Variants in PLD5 observed in about 807,000 individuals in gnomAD.
PLD5 encodes the protein phospholipase D family member 5.
Under a neutral mutation model 61.1 loss-of-function variants are expected in PLD5, and 36 were observed. The ratio of observed to expected loss-of-function variants is 0.59; its 90% confidence interval spans 0.45 to 0.78. The LOEUF (loss-of-function observed/expected upper bound fraction) is 0.78. Ranked by LOEUF, PLD5 falls within the 30% of genes least tolerant of loss-of-function variation. PLD5 has a pLI of 0.00. For missense variants in PLD5, 515 were observed against 644.4 expected, an observed-to-expected ratio of 0.80 and a Z score of 2.17; for synonymous variants, 243 against 242.8, an observed-to-expected ratio of 1.00 and a Z score of -0.01.
chr1:242,174,009 C>T (rs530663780), intron 5 of PLD5, among the ~76,000 whole-genome samples: 56 of 152,298 alleles, frequency 3.7e-4, no homozygotes, highest in African/African-American at 1.3e-3. Flanking sequence ...ATGTCTAAAA[C>T]ACCAAAAGCA....
chr1:242,204,624 A>T (rs1378754035), intron 5 of PLD5, among the ~76,000 whole-genome samples: 1 of 152,120 alleles, frequency 6.6e-6, no homozygotes, highest in Non-Finnish European at 1.5e-5. Flanking sequence ...CATCAACTCA[A>T]ATGGCTATAA....
chr1:242,515,067 G>A (rs571768947), intron 1 of PLD5, among the ~76,000 whole-genome samples: 2 of 152,118 alleles, frequency 1.3e-5, no homozygotes, highest in African/African-American at 2.4e-5. Flanking sequence ...TGTTTACTTC[G>A]TAACCAACAC....
intron 5 of PLD5, among the ~76,000 whole-genome samples, chr1:242,138,662 A>AT (rs1486012212): frequency 6.6e-6 from 1 of 152,246 alleles, no homozygotes; most frequent in Admixed American, 6.5e-5. Flanking sequence ...AAATTATAAA[A>AT]TGAAACTTCT....
intron 5 of PLD5, among the ~76,000 whole-genome samples, chr1:242,163,989 A>G (rs1480560533): frequency 6.6e-6 from 1 of 152,104 alleles, no homozygotes; most frequent in East Asian, 1.9e-4. Flanking sequence ...TCATCCTTCA[A>G]TTCCTTAATT....
At chr1:242,233,276 T>C (rs887872255) in intron 4 of PLD5, among the ~76,000 whole-genome samples, 1 of 152,158 alleles carries the variant, frequency 6.6e-6, no homozygotes, top group Non-Finnish European at 1.5e-5. Flanking sequence ...GTGACAGGTA[T>C]AAGGGACTGA....
intron 2 of PLD5, among the ~76,000 whole-genome samples, chr1:242,343,999 T>C (rs1659988747): frequency 6.6e-6 from 1 of 152,154 alleles, no homozygotes; most frequent in Non-Finnish European, 1.5e-5. Context: ...AACTAACCCC[T>C]TATCTGCAAT....
rs1364928660 is a variant in PLD5 at position 242,200,598 on chromosome 1, A to G, written c.735+19390T>C. Among the ~76,000 whole-genome samples the G allele has an allele frequency of 3.3e-5, 5 of 151,800 alleles. No individual in the cohort carries two copies. In the East Asian group the frequency reaches 9.8e-4, roughly 30 times the overall value. ...TACATCTGTATCACTGATTCAGCCAATTATTAAGTACGAGAAACAGTGTGG... is the reference window on the plus strand; with the variant it reads ...TACATCTGTATCACTGATTCAGCCAGTTATTAAGTACGAGAAACAGTGTGG... On this transcript the variant is annotated intron_variant, in intron 5 of 9. Transcript: ENST00000536534.
At chr1:242,527,714 G>A (rs1320680833), upstream of PLD5, among the ~76,000 whole-genome samples, 5 of 152,248 alleles carry the variant, frequency 3.3e-5, no homozygotes, top group Admixed American at 2.0e-4. Context: ...GAACTTGCTT[G>A]TTGACCTTCA....
intron 2 of PLD5, among the ~76,000 whole-genome samples, chr1:242,324,076 C>T (rs984288958): frequency 1.3e-4 from 19 of 151,670 alleles, no homozygotes; most frequent in African/African-American, 4.6e-4. Flanking sequence ...ACAATTTTGA[C>T]ACAGAGAGAA....
chr1:242,295,465 C>A (rs531938529), intron 2 of PLD5, among the ~76,000 whole-genome samples: 1 of 152,178 alleles, frequency 6.6e-6, no homozygotes, highest in Non-Finnish European at 1.5e-5. Context: ...GTGCAAAGGA[C>A]ATGATTTCAC....
chr1:242,090,429 T>A (rs1659727982), intron 9 of PLD5, among the ~76,000 whole-genome samples: 1 of 152,194 alleles, frequency 6.6e-6, no homozygotes, highest in South Asian at 2.1e-4. Flanking sequence ...ACATTTAAAA[T>A]ATATAGGGAT....
At chr1:242,496,720 G>T (rs967272524) in intron 1 of PLD5, among the ~76,000 whole-genome samples, 1 of 152,160 alleles carries the variant, frequency 6.6e-6, no homozygotes, top group Non-Finnish European at 1.5e-5. Flanking sequence ...CTCTAGAACA[G>T]TCCTTAAAGG....
intron 9 of PLD5, 151 bp from the exon 10 acceptor site, chr1:242,090,261 A>G (rs1558207371): frequency 9.9e-7 from 1 of 1,009,416 alleles, no homozygotes. Context: ...TCCGAAAAAA[A>G]AATCCAAGAA....
At chr1:242,241,560 CAAAT>C (rs753425396) in intron 4 of PLD5, among the ~76,000 whole-genome samples, 3 of 151,708 alleles carry the variant, frequency 2.0e-5, no homozygotes, top group Non-Finnish European at 2.9e-5. Flanking sequence ...TGAAAAATGA[CAAAT>C]AAGGTGGTAT....
At chr1:242,492,190 G>T (rs187763878) in intron 1 of PLD5, among the ~76,000 whole-genome samples, 1 of 152,088 alleles carries the variant, frequency 6.6e-6, no homozygotes. Context: ...CTCCTCCCCA[G>T]CCACCAGTGT....
intron 5 of PLD5, among the ~76,000 whole-genome samples, chr1:242,166,561 C>CGAAACAAATCCCAAGATTATTAA (rs1666321257): frequency 6.6e-6 from 1 of 152,174 alleles, no homozygotes; most frequent in South Asian, 2.1e-4. Flanking sequence ...CTCCGAAACC[C>CGAAACAAATCCCAAGATTATTAA]GAAACAAATC....
chr1:242,109,925 C>G (rs7542181), intron 7 of PLD5, among the ~76,000 whole-genome samples: 150,933 of 151,618 alleles, frequency 1, 75,127 homozygotes, highest in East Asian at 1. Context: ...AACAGCATAC[C>G]ATCTCAACCT....
intron 1 of PLD5, among the ~76,000 whole-genome samples, chr1:242,439,140 C>A (rs983868054): frequency 2.6e-5 from 4 of 152,184 alleles, no homozygotes; most frequent in Non-Finnish European, 4.4e-5. Flanking sequence ...ATTAAGGTAC[C>A]TCACTCACTG....
At chr1:242,467,091 A>G (rs577906760) in intron 1 of PLD5, among the ~76,000 whole-genome samples, 4 of 152,184 alleles carry the variant, frequency 2.6e-5, no homozygotes, top group Non-Finnish European at 4.4e-5. Context: ...AGAATAATCT[A>G]TTTTAAATGT....
Sources: allele counts gnomAD v4.1 joint callset (sites outside exome capture counted in the v4.1 genomes callset), GRCh38; gene constraint gnomAD v4.1.1; transcripts MANE v1.5; gene names NCBI Gene and HGNC (gene_info 2026-07-23, HGNC 2026-07-21).